The following RPAP2 variants were observed in gnomAD, a reference collection of about 807,000 sequenced individuals.
RPAP2 encodes the protein putative RNA polymerase II subunit B1 CTD phosphatase RPAP2.
Under a neutral mutation model 73.1 loss-of-function variants are expected in RPAP2, and 52 were observed. That is an observed-to-expected ratio of 0.71 (90% CI 0.57 to 0.90). RPAP2 has a LOEUF of 0.90. Among genes scored for constraint, RPAP2 ranks in the 40% least tolerant of loss-of-function variants. The pLI is 0.00. For synonymous variants in RPAP2, 225 were observed against 242.1 expected (o/e 0.93, Z 0.65); for missense variants, 598 against 701.8 (o/e 0.85, Z 1.67).
chr1:92,374,610 G>A lies in RPAP2; in HGVS notation c.1689-6114G>A, dbSNP rs149192953. ...ATCCCAATAGTAAGTAGCATCTTTG[G>A]CAATAGCTACAACCAATTCTTATAG... is the stretch of plus-strand genomic sequence containing the variant. On this transcript the variant is annotated intron_variant, in intron 11 of 12. Coordinates refer to ENST00000610020, the MANE Select transcript of RPAP2 (RefSeq NM_024813.3). Among the ~76,000 whole-genome samples the A allele has an allele frequency of 1.8e-3, 272 of 152,200 alleles. 3 individuals carry two copies. The highest frequency in any genetic ancestry group is 6.0e-3 in the African/African-American group (249 of 41,530).
intron 5 of RPAP2, among the ~76,000 whole-genome samples, chr1:92,305,244 A>G (rs1460890069): frequency 6.6e-6 from 1 of 151,950 alleles, no homozygotes; most frequent in Non-Finnish European, 1.5e-5. Context: ...CATCCTGGCT[A>G]ACACAGTGAA....
At chr1:92,374,034 G>A (rs554015709) in intron 11 of RPAP2, among the ~76,000 whole-genome samples, 15 of 152,200 alleles carry the variant, frequency 9.9e-5, no homozygotes, top group Non-Finnish European at 1.8e-4. Context: ...CTACTTGATT[G>A]TGCTGTTGTA....
rs576296641 is a variant in RPAP2 at position 92,395,290 on chromosome 1, T to C, written c.*8279T>C. On this transcript the variant is annotated 3_prime_UTR_variant, in exon 13 of 13. Transcript: ENST00000610020. ...ATAGCACAATTCATAAAAGAAAATA[T>C]TAATAAATTGGACTTCATTAAAATA... The C allele has an allele frequency of 1.1e-4, 16 of 152,238 alleles. No individual in the cohort carries two copies. Among genetic ancestry groups the C allele is most frequent in the African/African-American group, 3.9e-4 (16 of 41,550 alleles). The allele number at this position is 152,238 out of a possible 1,614,324, so 9.4% of individuals were successfully genotyped here. A position where few individuals can be genotyped will look rare whatever the true frequency, so the allele number is the denominator to read the frequency against.
At chr1:92,327,425 T>G (rs1652700305) in intron 8 of RPAP2, among the ~76,000 whole-genome samples, 1 of 152,254 alleles carries the variant, frequency 6.6e-6, no homozygotes, top group African/African-American at 2.4e-5. Context: ...CCTCTTTGTC[T>G]TTTTAAACTG....
At chr1:92,328,193 G>A (rs976316359) in intron 8 of RPAP2, among the ~76,000 whole-genome samples, 1 of 152,180 alleles carries the variant, frequency 6.6e-6, no homozygotes, top group African/African-American at 2.4e-5. Context: ...GTATTTGGAT[G>A]TGTAGGTCTC....
At chr1:92,304,211 G>T (rs1184827383) in intron 4 of RPAP2, 73 bp from the exon 5 acceptor site, 9 of 1,175,504 alleles carry the variant, frequency 7.7e-6, no homozygotes, top group South Asian at 2.6e-5. Context: ...ATATGTAGAT[G>T]ACTTAATCTT....
At position 92,326,598 on chromosome 1, in the gene RPAP2, G is replaced by A. The variant is rs148721174; in HGVS notation, c.1455+2223G>A. Among the ~76,000 whole-genome samples, 372 of 152,294 alleles carry A rather than the reference G, an allele frequency of 2.4e-3. 1 individual carries two copies. The highest frequency in any genetic ancestry group is 8.3e-3 in the African/African-American group (347 of 41,570). On this transcript the variant is annotated intron_variant, in intron 8 of 12. Transcript: ENST00000610020. The stretch of plus-strand genomic sequence containing the variant: ...CCGTCATGGGGGCAGGGCTATGTGC[G>A]TCTGAACTCAAGACTCCTTGGGCAG...
rs1571066698 is a variant in RPAP2 at position 92,327,684 on chromosome 1, C to G, written c.1455+3309C>G. On this transcript the variant is annotated intron_variant, in intron 8 of 12. Coordinates refer to ENST00000610020, the MANE Select transcript of RPAP2 (RefSeq NM_024813.3). ...TAGTATTGAGATGTGAGGTACTATTCTATTCATCGTGCTATTTGTTGCCTG... is the reference window on the plus strand; with the variant it reads ...TAGTATTGAGATGTGAGGTACTATTGTATTCATCGTGCTATTTGTTGCCTG... Among the ~76,000 whole-genome samples, 4 of 150,050 alleles carry G rather than the reference C, an allele frequency of 2.7e-5. No individual in the cohort carries two copies. In the East Asian group the frequency reaches 7.7e-4, roughly 29 times the overall value.
chr1:92,351,980 G>T (rs1216651377), intron 11 of RPAP2, among the ~76,000 whole-genome samples: 1 of 151,974 alleles, frequency 6.6e-6, no homozygotes, highest in Non-Finnish European at 1.5e-5. Flanking sequence ...TGAATTATTT[G>T]GTTATCCAAT....
At chr1:92,379,853 T>G (rs529937610) in intron 11 of RPAP2, among the ~76,000 whole-genome samples, 13 of 151,730 alleles carry the variant, frequency 8.6e-5, no homozygotes, top group Non-Finnish European at 1.9e-4. Context: ...GAGAATTGCT[T>G]GAACCCAGGA....
Position 92,388,693 on chromosome 1 carries a change from G to C in RPAP2, c.*1682G>C, listed in dbSNP as rs971837583. 1.5e-4 allele frequency: 23 copies of C among 152,280 alleles called. No individual in the cohort carries two copies. The highest frequency in any genetic ancestry group is 5.3e-4 in the African/African-American group (22 of 41,440). The allele number at this position is 152,280 out of a possible 1,614,324, so 9.4% of individuals were successfully genotyped here. A position where few individuals can be genotyped will look rare whatever the true frequency, so the allele number is the denominator to read the frequency against. ...ATACTGCTCTTTTCCCACAGTCTTC[G>C]CAACTGGCAGACCACGAAATCCCCT... On this transcript the variant is annotated 3_prime_UTR_variant, in exon 13 of 13. Transcript: ENST00000610020.
At chr1:92,380,666 G>T in intron 11 of RPAP2, 58 bp from the exon 12 acceptor site, 1 of 1,214,976 alleles carries the variant, frequency 8.2e-7, no homozygotes, top group South Asian at 2.0e-5. Flanking sequence ...TTGAAGATAG[G>T]AGTCCCTTTG....
chr1:92,323,332 C>G, intron 7 of RPAP2, 113 bp from the exon 8 acceptor site: 1 of 628,486 alleles, frequency 1.6e-6, no homozygotes, highest in Non-Finnish European at 2.5e-6. Flanking sequence ...ATAAAAATTT[C>G]TACCTTGAAA....
In RPAP2 at chr1:92,304,313, CA is replaced by C; in HGVS notation, c.367del (p.Thr123ProfsTer48). The C allele has an allele frequency of 6.6e-7, 1 of 1,513,384 alleles. No individual in the cohort carries two copies. The highest frequency in any genetic ancestry group is 9.1e-7 in the Non-Finnish European group (1 of 1,099,380). The allele number at this position is 1,513,384 out of a possible 1,614,324, so 93.7% of individuals were successfully genotyped here. On this transcript the variant is annotated frameshift_variant, in exon 5 of 13. Coordinates refer to ENST00000610020, the MANE Select transcript of RPAP2 (RefSeq NM_024813.3). LOFTEE classifies it high-confidence loss of function. ...CAAAACAGAAATATAAAATTTCTAC[CA>C]AAACCAATAAAGTCTATGATATTAC... is the stretch of plus-strand genomic sequence containing the variant. ...VPKQKYKIST[K>X]TNKVYDITER...
At chr1:92,363,213 A>G (rs1442610192) in intron 11 of RPAP2, among the ~76,000 whole-genome samples, 1 of 152,196 alleles carries the variant, frequency 6.6e-6, no homozygotes, top group African/African-American at 2.4e-5. Context: ...GGTAGGAAAG[A>G]GATTGAACAG....
intron 11 of RPAP2, among the ~76,000 whole-genome samples, chr1:92,351,642 A>G (rs1363800938): frequency 6.6e-6 from 1 of 152,128 alleles, no homozygotes; most frequent in Non-Finnish European, 1.5e-5. Context: ...CTGTAACACA[A>G]GAGGTCACTG....
chr1:92,373,744 A>AAAAAT (rs1655263419), intron 11 of RPAP2, among the ~76,000 whole-genome samples: 1 of 123,258 alleles, frequency 8.1e-6, no homozygotes, highest in Non-Finnish European at 1.6e-5. Context: ...AAAAATAAAA[A>AAAAAT]AAAAAAAAAA....
chr1:92,312,653 C>G (rs1322921847), intron 6 of RPAP2, among the ~76,000 whole-genome samples: 1 of 152,138 alleles, frequency 6.6e-6, no homozygotes, highest in African/African-American at 2.4e-5. Context: ...TCAAGCTCCA[C>G]TTCTAATTCT....
chr1:92,308,077 C>CA (rs1049739080), intron 6 of RPAP2, among the ~76,000 whole-genome samples: 267 of 135,894 alleles, frequency 2.0e-3, no homozygotes, highest in African/African-American at 5.6e-3. Flanking sequence ...AGCTCTGGCT[C>CA]AAAAAAAAAA....
Sources: gnomAD v4.1 joint callset for allele counts (sites outside exome capture counted in the v4.1 genomes callset) on GRCh38, gnomAD v4.1.1 for gene constraint, MANE v1.5 for transcripts, NCBI Gene and HGNC (gene_info 2026-07-23, HGNC 2026-07-21) for gene names.